EIF3E: variants seen among roughly 807,000 people sequenced by gnomAD.
EIF3E encodes eukaryotic translation initiation factor 3 subunit E, also known as eIF-3 p48.
Under a neutral mutation model 59.3 loss-of-function variants are expected in EIF3E, and 25 were observed. The observed-to-expected ratio is 0.42, with a 90% CI of 0.31 to 0.59. The LOEUF (loss-of-function observed/expected upper bound fraction) is 0.59, where lower values mean the gene tolerates loss of function less well. Among genes scored for constraint, EIF3E ranks in the 20% least tolerant of loss-of-function variants. EIF3E has a pLI of 0.15. For missense variants in EIF3E, 317 were observed against 534.3 expected, an observed-to-expected ratio of 0.59 and a Z score of 4.01; for synonymous variants, 176 against 170.2, an observed-to-expected ratio of 1.03 and a Z score of -0.26.
intron 10 of EIF3E, among the ~76,000 whole-genome samples, chr8:108,208,368 A>C (rs1157425084): frequency 6.6e-6 from 1 of 152,140 alleles, no homozygotes; most frequent in Non-Finnish European, 1.5e-5. Context: ...AAGTACTCCA[A>C]GTCTTTTCTA....
intron 10 of EIF3E, among the ~76,000 whole-genome samples, chr8:108,208,276 T>C (rs1291486211): frequency 1.3e-5 from 2 of 152,144 alleles, no homozygotes; most frequent in Non-Finnish European, 2.9e-5. Context: ...AAAATACTGC[T>C]GATTTAACCA....
chr8:108,238,152 T>C (rs914237127), intron 3 of EIF3E, among the ~76,000 whole-genome samples: 2 of 152,208 alleles, frequency 1.3e-5, no homozygotes, highest in African/African-American at 4.8e-5. Context: ...CGCTGTCCCT[T>C]TGTAATCACC....
intron 10 of EIF3E, among the ~76,000 whole-genome samples, chr8:108,207,463 G>A (rs563627346): frequency 2.1e-4 from 32 of 152,230 alleles, no homozygotes; most frequent in Admixed American, 1.2e-3. Context: ...AAAAGTTGGC[G>A]TAACCTATCC....
intron 3 of EIF3E, among the ~76,000 whole-genome samples, chr8:108,238,074 C>G (rs1024059525): frequency 2.0e-5 from 3 of 152,178 alleles, no homozygotes; most frequent in Non-Finnish European, 4.4e-5. Flanking sequence ...CCATTACTTC[C>G]CAGTCTTTGA....
chr8:108,246,887 A>G (rs1462222158), intron 1 of EIF3E, among the ~76,000 whole-genome samples: 1 of 152,232 alleles, frequency 6.6e-6, no homozygotes, highest in Non-Finnish European at 1.5e-5. Context: ...TAGAACACAT[A>G]CAACACAGGA....
At chr8:108,235,949 T>C (rs1815723139) in intron 4 of EIF3E, among the ~76,000 whole-genome samples, 2 of 152,244 alleles carry the variant, frequency 1.3e-5, no homozygotes, top group East Asian at 1.9e-4. Context: ...TTTGAGAATT[T>C]CTGTCATCTA....
intron 10 of EIF3E, among the ~76,000 whole-genome samples, chr8:108,203,806 A>G (rs1452255568): frequency 6.6e-6 from 1 of 152,098 alleles, no homozygotes; most frequent in African/African-American, 2.4e-5. Flanking sequence ...CAGGTGCTCA[A>G]GAAGTAATGA....
At chr8:108,228,442 G>A (rs1395337273) in intron 6 of EIF3E, 51 bp from the exon 7 acceptor site, 1 of 1,320,206 alleles carries the variant, frequency 7.6e-7, no homozygotes, top group South Asian at 2.1e-5. Flanking sequence ...ATAAGAAAGA[G>A]GCAGGAGGAC....
chr8:108,233,553 T>C (rs1337228028), intron 5 of EIF3E: 4 of 179,128 alleles, frequency 2.2e-5, no homozygotes, highest in Non-Finnish European at 4.8e-5. Context: ...AGAGAAATCT[T>C]AGACAGGCAG....
intron 10 of EIF3E, among the ~76,000 whole-genome samples, chr8:108,210,526 T>C (rs1815186432): frequency 6.6e-6 from 1 of 152,186 alleles, no homozygotes; most frequent in Non-Finnish European, 1.5e-5. Flanking sequence ...TACAAATTCT[T>C]GGAGTCCAAA....
chr8:108,201,888 G>A lies in EIF3E; in HGVS notation c.1335C>T (p.Tyr445=), dbSNP rs941289065. ...PNWATQDSGF[Y] ...TTCATCTTTTCTTTATGGTTCTTCAGTAGAAGCCAGAATCTTGAGTTGCCC... is the reference window on the plus strand; with the variant it reads ...TTCATCTTTTCTTTATGGTTCTTCAATAGAAGCCAGAATCTTGAGTTGCCC... The change falls in exon 13 of 13, where the codon TAC becomes TAT. Residue 445 remains tyrosine, a synonymous_variant. Coordinates refer to ENST00000220849, the MANE Select transcript of EIF3E (RefSeq NM_001568.3). 3 of 1,556,910 alleles carry A rather than the reference G, an allele frequency of 1.9e-6. No homozygotes were observed. The African/African-American group carries it at 4.2e-5, about 22-fold the overall frequency.
chr8:108,226,264 G>A (rs1299752241), intron 7 of EIF3E: 4 of 149,788 alleles, frequency 2.7e-5, no homozygotes, highest in African/African-American at 9.9e-5. Flanking sequence ...TGTGATCTAG[G>A]CTCACTGCAA....
At chr8:108,234,740 G>T in intron 5 of EIF3E, 1 of 269,316 alleles carries the variant, frequency 3.7e-6, no homozygotes, top group East Asian at 7.4e-5. Context: ...TTCTGTTAAT[G>T]CTAAAAATCA....
chr8:108,211,147 T>C lies in EIF3E; in HGVS notation c.1061+3460A>G, dbSNP rs1273096790. The stretch of plus-strand genomic sequence containing the variant: ...TGGCTGGGTCAAATGGTATTTCTAG[T>C]TCTAGATCCTTGAGGAATCACCACA... On this transcript the variant is annotated intron_variant, in intron 10 of 12. Coordinates refer to ENST00000220849, the MANE Select transcript of EIF3E (RefSeq NM_001568.3). Among the ~76,000 whole-genome samples the C allele has an allele frequency of 2.6e-5, 4 of 152,206 alleles. No individual in the cohort carries two copies. In the East Asian group the frequency reaches 7.7e-4, roughly 29 times the overall value.
At chr8:108,221,802 A>ACG (rs779594373) in intron 7 of EIF3E, among the ~76,000 whole-genome samples, 6,958 of 151,844 alleles carry the variant, frequency 0.046, 279 homozygotes, top group African/African-American at 0.11. Flanking sequence ...GACTACACAC[A>ACG]CACGCACACA....
intron 10 of EIF3E, among the ~76,000 whole-genome samples, chr8:108,208,077 G>C (rs966533648): frequency 6.6e-6 from 1 of 152,078 alleles, no homozygotes. Flanking sequence ...ATCAGGTTTT[G>C]AGTGCCTAAT....
chr8:108,234,835 T>C, intron 5 of EIF3E, 163 bp downstream of exon 5: 1 of 402,842 alleles, frequency 2.5e-6, no homozygotes, highest in Non-Finnish European at 4.4e-6. Flanking sequence ...TTCTAGTTTC[T>C]GTTTTTGAGT....
intron 10 of EIF3E, among the ~76,000 whole-genome samples, chr8:108,213,083 T>C (rs1030074508): frequency 1.3e-5 from 2 of 152,190 alleles, no homozygotes; most frequent in African/African-American, 2.4e-5. Flanking sequence ...TAAAGGTATA[T>C]AGAAACATTC....
At position 108,234,980 on chromosome 8, in the gene EIF3E, A is replaced by C. The variant is rs557655630; in HGVS notation, c.471+18T>G. ...AAAGACAAAAAAAAAAAAAAAAAAAACATGTACTTATACTTACCAGCACTC... is the reference window on the plus strand; with the variant it reads ...AAAGACAAAAAAAAAAAAAAAAAAACCATGTACTTATACTTACCAGCACTC... On this transcript the variant is annotated intron_variant, in intron 5 of 12. Transcript: ENST00000220849. 2.6e-4 allele frequency: 296 copies of C among 1,119,874 alleles called. 2 individuals carry two copies. Among genetic ancestry groups the C allele is most frequent in the African/African-American group, 2.0e-3 (118 of 59,828 alleles). 69.4% of individuals were successfully genotyped at this position (1,119,874 alleles called of 1,614,324 possible).
Sources: allele counts gnomAD v4.1 joint callset (sites outside exome capture counted in the v4.1 genomes callset), GRCh38; gene constraint gnomAD v4.1.1; transcripts MANE v1.5; gene names NCBI Gene and HGNC (gene_info 2026-07-23, HGNC 2026-07-21).